The following VEGFC variants were observed in gnomAD, a reference collection of about 807,000 sequenced individuals.
VEGFC encodes vascular endothelial growth factor C.
Under a neutral mutation model 46.1 loss-of-function variants are expected in VEGFC, and 12 were observed. The ratio of observed to expected loss-of-function variants is 0.26; its 90% confidence interval spans 0.17 to 0.42. VEGFC has a LOEUF of 0.42. Among genes scored for constraint, VEGFC ranks in the 10% least tolerant of loss-of-function variants. The probability of loss-of-function intolerance (pLI) is 1.00; values close to 1 mark genes in which losing one functional copy is unlikely to be tolerated. For synonymous variants in VEGFC, 232 were observed against 195.5 expected, an observed-to-expected ratio of 1.19 and a Z score of -1.56; for missense variants, 488 against 529.4, an observed-to-expected ratio of 0.92 and a Z score of 0.77.
chr4:176,690,395 G>T (rs973464480), intron 4 of VEGFC, among the ~76,000 whole-genome samples: 1 of 148,744 alleles, frequency 6.7e-6, no homozygotes, highest in Non-Finnish European at 1.5e-5. Flanking sequence ...TTGCATATAT[G>T]TTTTTTCACA....
chr4:176,685,557 T>C (rs1734024819), intron 6 of VEGFC, among the ~76,000 whole-genome samples: 1 of 152,096 alleles, frequency 6.6e-6, no homozygotes, highest in Non-Finnish European at 1.5e-5. Context: ...TCTGTGTTCA[T>C]ATAATTCTGT....
At chr4:176,751,280 T>G (rs1005153557) in intron 1 of VEGFC, among the ~76,000 whole-genome samples, 1 of 151,822 alleles carries the variant, frequency 6.6e-6, no homozygotes, top group Non-Finnish European at 1.5e-5. Flanking sequence ...AGAGAAAACT[T>G]ACAAAGAATT....
chr4:176,718,007 C>T (rs1445496803), intron 3 of VEGFC, among the ~76,000 whole-genome samples: 1 of 152,030 alleles, frequency 6.6e-6, no homozygotes, highest in Admixed American at 6.6e-5. Context: ...AAAAAGTATA[C>T]ACAGTACCAC....
At chr4:176,791,236 T>C (rs1051680587) in intron 1 of VEGFC, among the ~76,000 whole-genome samples, 2 of 152,202 alleles carry the variant, frequency 1.3e-5, no homozygotes, top group Non-Finnish European at 2.9e-5. Context: ...CAAGGGGTAC[T>C]GCAAGTGTTT....
intron 1 of VEGFC, among the ~76,000 whole-genome samples, chr4:176,760,985 A>G (rs1735520645): frequency 1.3e-5 from 2 of 152,184 alleles, no homozygotes; most frequent in Admixed American, 6.5e-5. Flanking sequence ...GTCTGGCCCA[A>G]TGGGCAAAGT....
chr4:176,782,184 T>C (rs548016682), intron 1 of VEGFC, among the ~76,000 whole-genome samples: 2 of 152,334 alleles, frequency 1.3e-5, no homozygotes, highest in South Asian at 4.1e-4. Context: ...AAAAAGAAAT[T>C]AGGCTGGAAC....
At position 176,792,421 on chromosome 4, in the gene VEGFC, TCCCGGCGACCCC is replaced by T; in HGVS notation, c.-122_-111del. On this transcript the variant is annotated 5_prime_UTR_variant, in exon 1 of 7. Transcript: ENST00000618562. This position sits in a 1 kb window ranked among gnomAD's most constrained non-coding sequence, Gnocchi z 6.3. ...TCCTGGTCCCTCTCCCCCGGGCTCC[TCCCGGCGACCCC>T]CCCTGGGCGAGCCGGAGGCGGCGGG... The T allele has an allele frequency of 1.2e-6, 1 of 866,768 alleles. No individual in the cohort carries two copies. Among genetic ancestry groups the T allele is most frequent in the South Asian group, 2.9e-5 (1 of 34,658 alleles). The allele number at this position is 866,768 out of a possible 1,614,324, so 53.7% of individuals were successfully genotyped here.
At chr4:176,785,210 T>C (rs1290463564) in intron 1 of VEGFC, among the ~76,000 whole-genome samples, 1 of 152,252 alleles carries the variant, frequency 6.6e-6, no homozygotes, top group African/African-American at 2.4e-5. Flanking sequence ...GATGAAGTTT[T>C]AGGTAAATTA....
chr4:176,699,921 C>A (rs1734396661), intron 4 of VEGFC, among the ~76,000 whole-genome samples: 2 of 152,164 alleles, frequency 1.3e-5, no homozygotes, highest in African/African-American at 4.8e-5. Flanking sequence ...TCTGCATGAA[C>A]TTGTGTTAGC....
At chr4:176,761,459 G>A (rs1735528734) in intron 1 of VEGFC, among the ~76,000 whole-genome samples, 2 of 152,146 alleles carry the variant, frequency 1.3e-5, no homozygotes, top group African/African-American at 4.8e-5. Context: ...GTTTTATTAA[G>A]ATTACAGGAA....
rs1371456892 is a variant in VEGFC at position 176,703,005 on chromosome 4, C to A, written c.704+8494G>T. ...CACTCAAAGCTGCACTGTATAATAT[C>A]TTCTGGTATGTTAATAAATCCAGAT... On this transcript the variant is annotated intron_variant, in intron 4 of 6. Transcript: ENST00000618562. Among the ~76,000 whole-genome samples, 3 of 152,154 alleles carry A rather than the reference C, an allele frequency of 2.0e-5. No individual in the cohort carries two copies. The East Asian group carries it at 5.8e-4, about 29-fold the overall frequency.
At chr4:176,767,503 C>G (rs1339553127) in intron 1 of VEGFC, among the ~76,000 whole-genome samples, 2 of 152,176 alleles carry the variant, frequency 1.3e-5, no homozygotes, top group Admixed American at 6.5e-5. Flanking sequence ...ATTTCCAGGG[C>G]TGATAGCACT....
intron 1 of VEGFC, among the ~76,000 whole-genome samples, chr4:176,738,305 T>C (rs894433764): frequency 6.6e-6 from 1 of 151,936 alleles, no homozygotes. Context: ...CAAACTATAC[T>C]ACAAGTCAAC....
chr4:176,735,541 T>C (rs986439165), intron 1 of VEGFC, among the ~76,000 whole-genome samples: 2 of 151,892 alleles, frequency 1.3e-5, no homozygotes, highest in African/African-American at 4.8e-5. Flanking sequence ...GCACTGGATG[T>C]TTTGGACAGA....
intron 1 of VEGFC, among the ~76,000 whole-genome samples, chr4:176,781,365 A>G (rs1260966529): frequency 6.6e-6 from 1 of 152,226 alleles, no homozygotes; most frequent in Non-Finnish European, 1.5e-5. Flanking sequence ...TTTTCAAAAC[A>G]TAAACTTGGA....
intron 1 of VEGFC, among the ~76,000 whole-genome samples, chr4:176,739,612 A>G (rs1314637319): frequency 1.3e-5 from 2 of 151,766 alleles, no homozygotes; most frequent in African/African-American, 4.8e-5. Context: ...GTATGAGGGT[A>G]GGGAACGCAT....
At chr4:176,710,691 C>T (rs527885078) in intron 4 of VEGFC, among the ~76,000 whole-genome samples, 2 of 152,000 alleles carry the variant, frequency 1.3e-5, no homozygotes, top group Admixed American at 1.3e-4. Context: ...CCATATGCAC[C>T]GGATATCCTA....
At chr4:176,748,041 T>C (rs1285788902) in intron 1 of VEGFC, among the ~76,000 whole-genome samples, 1 of 152,028 alleles carries the variant, frequency 6.6e-6, no homozygotes, top group Non-Finnish European at 1.5e-5. Context: ...GCTTTTAAAA[T>C]ATACCTTGAG....
intron 6 of VEGFC, 96 bp from the exon 7 acceptor site, chr4:176,684,136 G>C: frequency 1.1e-6 from 1 of 889,628 alleles, no homozygotes; most frequent in Admixed American, 2.2e-5. Context: ...TTTCAGACTG[G>C]AATAAAATTA....
Sources: gnomAD v4.1 joint callset for allele counts (sites outside exome capture counted in the v4.1 genomes callset) on GRCh38, gnomAD v4.1.1 for gene constraint, Gnocchi (gnomAD v3.1) non-coding constraint, MANE v1.5 for transcripts, NCBI Gene and HGNC (gene_info 2026-07-23, HGNC 2026-07-21) for gene names.